Variants in PPFIA2 observed in about 807,000 individuals in gnomAD.
PPFIA2 encodes the protein PPFI scaffold protein A2.
PPFIA2 carries 46 observed loss-of-function variants against 175.5 expected under a neutral mutation model. The ratio of observed to expected loss-of-function variants is 0.26; its 90% CI spans 0.21 to 0.34. The LOEUF is 0.34. Ranked by LOEUF, PPFIA2 falls within the 10% of genes least tolerant of loss-of-function variation. The probability of loss-of-function intolerance (pLI) is 1.00; values close to 1 mark genes in which losing one functional copy is unlikely to be tolerated. For synonymous variants in PPFIA2, 568 were observed against 511.4 expected (o/e 1.11, Z -1.49); for missense variants, 1,179 against 1,506.1 (o/e 0.78, Z 3.60).
intron 4 of PPFIA2, 74 bp downstream of exon 4, chr12:81,676,717 G>T: frequency 9.8e-7 from 1 of 1,023,908 alleles, no homozygotes; most frequent in Non-Finnish European, 1.4e-6. Context: ...TAATATACAA[G>T]CAATCAACTG....
intron 5 of PPFIA2, among the ~76,000 whole-genome samples, chr12:81,448,656 A>C (rs1395841090): frequency 6.6e-6 from 1 of 152,044 alleles, no homozygotes; most frequent in Admixed American, 6.6e-5. Context: ...TTGTTTGTTT[A>C]GTTTTGTTAG....
At chr12:81,684,899 G>A (rs570439710) in intron 3 of PPFIA2, among the ~76,000 whole-genome samples, 2 of 151,954 alleles carry the variant, frequency 1.3e-5, no homozygotes, top group Non-Finnish European at 2.9e-5. Context: ...TTATTTAATA[G>A]TCAATAAACA....
intron 14 of PPFIA2, among the ~76,000 whole-genome samples, chr12:81,366,049 CCT>C (rs2033288968): frequency 7.7e-6 from 1 of 129,622 alleles, no homozygotes; most frequent in African/African-American, 2.9e-5. Flanking sequence ...CTCCCTCTTC[CCT>C]TTCCTTCCCT....
intron 5 of PPFIA2, among the ~76,000 whole-genome samples, chr12:81,454,013 TTC>T (rs1288724519): frequency 4.0e-5 from 6 of 151,224 alleles, no homozygotes; most frequent in African/African-American, 7.3e-5. Context: ...AGCCCAGGAG[TTC>T]GAGACAAGTC....
intron 11 of PPFIA2, among the ~76,000 whole-genome samples, chr12:81,370,151 C>T: frequency 6.6e-6 from 1 of 151,694 alleles, no homozygotes; most frequent in Non-Finnish European, 1.5e-5. Flanking sequence ...GAGGAAAATG[C>T]TAGACAATGA....
At chr12:81,409,624 T>C (rs1217060667) in intron 7 of PPFIA2, among the ~76,000 whole-genome samples, 1 of 152,126 alleles carries the variant, frequency 6.6e-6, no homozygotes, top group Non-Finnish European at 1.5e-5. Flanking sequence ...CCTCCAGAAC[T>C]TTCAGAAATA....
chr12:81,333,924 T>C (rs1217599200), intron 21 of PPFIA2, among the ~76,000 whole-genome samples: 1 of 152,160 alleles, frequency 6.6e-6, no homozygotes, highest in African/African-American at 2.4e-5. Context: ...TGGGCAAGGA[T>C]TATTTAACCA....
intron 22 of PPFIA2, chr12:81,311,921 A>C (rs1451181267): frequency 9.0e-6 from 5 of 553,444 alleles, no homozygotes; most frequent in Non-Finnish European, 1.3e-5. Context: ...TGACATGTGT[A>C]TAATAAAACT....
At chr12:81,506,816 T>C (rs530796100) in intron 4 of PPFIA2, among the ~76,000 whole-genome samples, 1 of 152,224 alleles carries the variant, frequency 6.6e-6, no homozygotes, top group Non-Finnish European at 1.5e-5. Context: ...TCAACTCTGA[T>C]GTTATAGCAC....
intron 4 of PPFIA2, among the ~76,000 whole-genome samples, chr12:81,640,956 G>C (rs1359960608): frequency 2.6e-5 from 4 of 151,948 alleles, no homozygotes. Flanking sequence ...GGGAATTGGT[G>C]ATAAAATGAA....
intron 8 of PPFIA2, among the ~76,000 whole-genome samples, chr12:81,390,376 C>T (rs2039893715): frequency 6.6e-6 from 1 of 151,934 alleles, no homozygotes; most frequent in Non-Finnish European, 1.5e-5. Context: ...GTGGTTGCAC[C>T]ATTGTACATT....
intron 4 of PPFIA2, among the ~76,000 whole-genome samples, chr12:81,552,131 A>G (rs1347187597): frequency 6.6e-6 from 1 of 151,738 alleles, no homozygotes; most frequent in Non-Finnish European, 1.5e-5. Context: ...TATAGTAACC[A>G]AAATAATACT....
intron 4 of PPFIA2, among the ~76,000 whole-genome samples, chr12:81,622,398 C>T (rs1203531199): frequency 3.3e-5 from 5 of 152,096 alleles, no homozygotes; most frequent in African/African-American, 1.2e-4. Context: ...AAAATTTTGA[C>T]ATAAGCCTGT....
At chr12:81,636,945 A>G (rs1555544490) in intron 4 of PPFIA2, among the ~76,000 whole-genome samples, 1 of 152,018 alleles carries the variant, frequency 6.6e-6, no homozygotes, top group Admixed American at 6.6e-5. Flanking sequence ...TTATTAAGAC[A>G]CTTCAAAATT....
chr12:81,619,352 G>A (rs2061770238), intron 4 of PPFIA2, among the ~76,000 whole-genome samples: 1 of 152,170 alleles, frequency 6.6e-6, no homozygotes, highest in African/African-American at 2.4e-5. Context: ...ATACAACCCA[G>A]CAAAAGCAGT....
intron 4 of PPFIA2, among the ~76,000 whole-genome samples, chr12:81,562,846 CAAAAAAAAAAAAA>C (rs11475809): frequency 4.7e-4 from 14 of 29,574 alleles, no homozygotes; most frequent in African/African-American, 1.3e-3. Context: ...GACTCTGTCT[CAAAAAAAAAAAAA>C]AAAAAAAAAA....
At chr12:81,598,483 G>A in intron 4 of PPFIA2, 3 of 559,808 alleles carry the variant, frequency 5.4e-6, no homozygotes, top group East Asian at 1.4e-4. Flanking sequence ...TGTATTCAGA[G>A]GACCTCTTCT....
chr12:81,406,453 A>C (rs960923439), intron 7 of PPFIA2, among the ~76,000 whole-genome samples: 1 of 152,108 alleles, frequency 6.6e-6, no homozygotes, highest in Admixed American at 6.6e-5. Flanking sequence ...TTATTATTAT[A>C]ATTTTAATGT....
chr12:81,298,679 T>C (rs12304916), intron 23 of PPFIA2, among the ~76,000 whole-genome samples: 2,916 of 152,292 alleles, frequency 0.019, 96 homozygotes, highest in African/African-American at 0.067. Flanking sequence ...GGTCAGTTTC[T>C]GCTGCCTCCT....
Sources: allele counts gnomAD v4.1 joint callset (sites outside exome capture counted in the v4.1 genomes callset), GRCh38; gene constraint gnomAD v4.1.1; transcripts MANE v1.5; gene names NCBI Gene and HGNC (gene_info 2026-07-23, HGNC 2026-07-21).